IGSF23: variants seen among roughly 807,000 people sequenced by gnomAD.
The protein encoded by IGSF23 is immunoglobulin superfamily, member 23.
In IGSF23, 14 loss-of-function variants were observed where a neutral mutation model predicts 17.8. The ratio of observed to expected loss-of-function variants is 0.79; its 90% CI spans 0.52 to 1.23. The LOEUF is 1.23. IGSF23 is among the 50% of genes most tolerant of loss of function. The pLI is 0.00. For synonymous variants in IGSF23, 85 were observed against 92.5 expected (o/e 0.92, Z 0.46); for missense variants, 214 against 241.7 (o/e 0.89, Z 0.76).
At chr19:44,628,801 G>A (rs1972708732) in intron 3 of IGSF23, among the ~76,000 whole-genome samples, 1 of 152,134 alleles carries the variant, frequency 6.6e-6, no homozygotes, top group African/African-American at 2.4e-5. Flanking sequence ...TGTTGGATGA[G>A]CGCTAAGGAG....
chr19:44,618,943 A>G (rs1176064742), intron 1 of IGSF23, among the ~76,000 whole-genome samples: 2 of 151,182 alleles, frequency 1.3e-5, no homozygotes, highest in African/African-American at 4.9e-5. Context: ...TTGTTCTTCC[A>G]TTGCTATAAA....
chr19:44,620,033 G>A (rs1275979366), intron 1 of IGSF23, among the ~76,000 whole-genome samples: 3 of 152,152 alleles, frequency 2.0e-5, no homozygotes, highest in Non-Finnish European at 4.4e-5. Flanking sequence ...CATTTTGGGA[G>A]GCCAAGGCGG....
intron 1 of IGSF23, among the ~76,000 whole-genome samples, chr19:44,618,537 C>T (rs1972440112): frequency 6.6e-6 from 1 of 152,162 alleles, no homozygotes; most frequent in Non-Finnish European, 1.5e-5. Context: ...TAAACCACCC[C>T]AAAACTTAAA....
intron 3 of IGSF23, among the ~76,000 whole-genome samples, chr19:44,628,902 A>G (rs1209733298): frequency 6.6e-6 from 1 of 152,198 alleles, no homozygotes; most frequent in Non-Finnish European, 1.5e-5. Context: ...TGACATTTGA[A>G]CAAAGGGAGG....
chr19:44,621,024 G>C (rs920854079), intron 1 of IGSF23, among the ~76,000 whole-genome samples: 1 of 152,098 alleles, frequency 6.6e-6, no homozygotes, highest in African/African-American at 2.4e-5. Context: ...GCTCACACCT[G>C]TAATCCCAGC....
At chr19:44,625,178 G>A (rs1169127321) in intron 2 of IGSF23, among the ~76,000 whole-genome samples, 1 of 152,156 alleles carries the variant, frequency 6.6e-6, no homozygotes, top group Admixed American at 6.5e-5. Context: ...CTGTGCCTCA[G>A]TTTCCTCATC....
chr19:44,622,883 T>C (rs577275858), intron 1 of IGSF23, among the ~76,000 whole-genome samples: 1 of 152,300 alleles, frequency 6.6e-6, no homozygotes, highest in Admixed American at 6.5e-5. Flanking sequence ...ATTCCTCTGC[T>C]TCTTCAGGAC....
chr19:44,635,401 G>A lies in IGSF23; in HGVS notation c.546G>A (p.Arg182=). ...GMCFIIIQSL[R]TDRQRIGICS Reference sequence around the variant, plus strand: ...GTCTCTCTCTCTCTCTCCACTGCAGGACTGACAGGCAGAGAATAGGAATAT... The same window carrying A: ...GTCTCTCTCTCTCTCTCCACTGCAGAACTGACAGGCAGAGAATAGGAATAT... The change falls in exon 4 of 5, where the codon AGG becomes AGA. Residue 182 remains arginine (R), a splice_region_variant and synonymous_variant. Coordinates refer to ENST00000402988, the MANE Select transcript of IGSF23 (RefSeq NM_001205280.2). The A allele has an allele frequency of 6.5e-7, 1 of 1,544,628 alleles. No individual in the cohort carries two copies. Among genetic ancestry groups the A allele is most frequent in the Non-Finnish European group, 8.7e-7 (1 of 1,143,348 alleles).
At chr19:44,630,747 G>A (rs1330037611) in intron 3 of IGSF23, among the ~76,000 whole-genome samples, 1 of 152,226 alleles carries the variant, frequency 6.6e-6, no homozygotes, top group East Asian at 1.9e-4. Context: ...CCCTCCCAGT[G>A]AGGAGGAACA....
At chr19:44,633,920 A>G (rs1717321152) in intron 3 of IGSF23, among the ~76,000 whole-genome samples, 1 of 152,234 alleles carries the variant, frequency 6.6e-6, no homozygotes, top group South Asian at 2.1e-4. Flanking sequence ...GAACAGAAGT[A>G]GATGTAACAA....
At chr19:44,620,053 G>A (rs10414111) in intron 1 of IGSF23, among the ~76,000 whole-genome samples, 1,572 of 152,124 alleles carry the variant, frequency 0.01, 29 homozygotes, top group African/African-American at 0.036. Context: ...GGCAGATCAC[G>A]AGTTCAGGAG....
intron 1 of IGSF23, chr19:44,614,056 C>T (rs1568482375): frequency 7.8e-6 from 10 of 1,286,964 alleles, no homozygotes; most frequent in Non-Finnish European, 1.1e-5. Context: ...CCTTACGAGT[C>T]CAAGTCACCC....
chr19:44,618,035 A>G (rs1306968495), intron 1 of IGSF23: 1 of 469,402 alleles, frequency 2.1e-6, no homozygotes, highest in Admixed American at 2.4e-5. Context: ...GGGGTCAAGG[A>G]GAGGAATCAA....
At chr19:44,630,919 G>A (rs999341204) in intron 3 of IGSF23, among the ~76,000 whole-genome samples, 1 of 152,138 alleles carries the variant, frequency 6.6e-6, no homozygotes, top group Non-Finnish European at 1.5e-5. Context: ...ATGACCTTGT[G>A]GAATTTGGGG....
Position 44,627,614 on chromosome 19 carries a change from C to T in IGSF23, c.545+41C>T, listed in dbSNP as rs545074724. ...ACCCCCGTCCACTGGGCAACATCCA[C>T]TCAGCCCCCATGGGGCACAGAGCTG... On this transcript the variant is annotated intron_variant, in intron 3 of 4. Coordinates refer to ENST00000402988, the MANE Select transcript of IGSF23 (RefSeq NM_001205280.2). 2.3e-4 allele frequency: 343 copies of T among 1,522,338 alleles called. 4 individuals are homozygous for T. The East Asian group carries it at 8.4e-3, about 37-fold the overall frequency. The allele number at this position is 1,522,338 out of a possible 1,614,324, so 94.3% of individuals were successfully genotyped here. A position where few individuals can be genotyped will look rare whatever the true frequency, so the allele number is the denominator to read the frequency against.
At chr19:44,621,582 GCAC>G (rs1054446343) in intron 1 of IGSF23, among the ~76,000 whole-genome samples, 1 of 150,874 alleles carries the variant, frequency 6.6e-6, no homozygotes, top group African/African-American at 2.4e-5. Flanking sequence ...AGCTATGATT[GCAC>G]CACTACACTC....
intron 3 of IGSF23, chr19:44,632,540 C>A (rs62119270): frequency 6.5e-6 from 1 of 154,794 alleles, no homozygotes; most frequent in South Asian, 1.8e-4. Flanking sequence ...AGGATCCTCC[C>A]GGAGTCTCTT....
chr19:44,632,460 G>T, intron 3 of IGSF23: 1 of 155,366 alleles, frequency 6.4e-6, no homozygotes, highest in South Asian at 1.7e-4. Context: ...TGTGTTCGAC[G>T]GGTGTTTCTC....
chr19:44,632,159 G>T, intron 3 of IGSF23: 1 of 346,838 alleles, frequency 2.9e-6, no homozygotes, highest in South Asian at 2.3e-5. Context: ...TTTGAGGGCA[G>T]TATGCCTCAA....
Sources: gnomAD v4.1 joint callset for allele counts (sites outside exome capture counted in the v4.1 genomes callset) on GRCh38, gnomAD v4.1.1 for gene constraint, MANE v1.5 for transcripts, NCBI Gene and HGNC (gene_info 2026-07-23, HGNC 2026-07-21) for gene names.